Variants in PCDH15 observed in about 807,000 individuals in gnomAD.
PCDH15 encodes protocadherin-15.
PCDH15 carries 129 observed loss-of-function variants against 178.5 expected under a neutral mutation model. The ratio of observed to expected loss-of-function variants is 0.72; its 90% CI spans 0.63 to 0.84. The LOEUF is 0.84. Among genes scored for constraint, PCDH15 ranks in the 40% least tolerant of loss-of-function variants. The probability of loss-of-function intolerance (pLI) is 0.00; values close to 1 mark genes in which losing one functional copy is unlikely to be tolerated. For missense variants in PCDH15, 2,230 were observed against 2,099.9 expected (o/e 1.06, Z -1.21); for synonymous variants, 800 against 732.0 (o/e 1.09, Z -1.50).
At chr10:55,059,149 A>G (rs546372001) in intron 2 of PCDH15, among the ~76,000 whole-genome samples, 155 of 152,326 alleles carry the variant, frequency 1.0e-3, no homozygotes, top group African/African-American at 3.7e-3. Context: ...ATGGTTTTTA[A>G]GAGTTAATAT....
intron 2 of PCDH15, chr10:54,607,025 T>C (rs2092772212): frequency 6.6e-6 from 1 of 152,058 alleles, no homozygotes; most frequent in Non-Finnish European, 1.5e-5. Context: ...TAGTGAATTT[T>C]TTGAAAAGAT....
intron 20 of PCDH15, among the ~76,000 whole-genome samples, chr10:53,997,636 A>G (rs964338163): frequency 6.6e-6 from 1 of 152,210 alleles, no homozygotes; most frequent in Non-Finnish European, 1.5e-5. Context: ...TACTTTTCCA[A>G]TTATGTCAAC....
At chr10:54,457,008 C>CA (rs2076867597) in intron 3 of PCDH15, among the ~76,000 whole-genome samples, 1 of 152,066 alleles carries the variant, frequency 6.6e-6, no homozygotes, top group Non-Finnish European at 1.5e-5. Context: ...ATAAACTACC[C>CA]AGTCACAGGT....
intron 2 of PCDH15, among the ~76,000 whole-genome samples, chr10:54,650,610 T>A (rs759094088): frequency 6.6e-6 from 1 of 152,114 alleles, no homozygotes; most frequent in African/African-American, 2.4e-5. Context: ...AAGACATACC[T>A]GAGACTAGGT....
chr10:55,325,020 T>C (rs1843994583), intron 2 of PCDH15, among the ~76,000 whole-genome samples: 1 of 151,536 alleles, frequency 6.6e-6, no homozygotes, highest in African/African-American at 2.4e-5. Context: ...ATCAGAGAGG[T>C]AAGAAATCTC....
At chr10:54,157,593 G>A (rs1210270090) in intron 13 of PCDH15, among the ~76,000 whole-genome samples, 1 of 152,148 alleles carries the variant, frequency 6.6e-6, no homozygotes, top group Non-Finnish European at 1.5e-5. Context: ...GACATGCCCT[G>A]GAGATATTTT....
chr10:55,412,879 TCACACACACACACA>T (rs71014485), intron 2 of PCDH15, among the ~76,000 whole-genome samples: 18 of 134,744 alleles, frequency 1.3e-4, no homozygotes, highest in African/African-American at 4.0e-4. Context: ...TCAACAATAA[TCACACACACACACA>T]CACACACACA....
chr10:54,249,791 T>C (rs1046716752), intron 8 of PCDH15, among the ~76,000 whole-genome samples: 1 of 152,160 alleles, frequency 6.6e-6, no homozygotes, highest in Non-Finnish European at 1.5e-5. Flanking sequence ...TTTCAATCCA[T>C]CAAGAAATTG....
At chr10:54,688,887 G>A (rs2095063776) in intron 1 of PCDH15, among the ~76,000 whole-genome samples, 1 of 152,066 alleles carries the variant, frequency 6.6e-6, no homozygotes. Context: ...TTGTGTATGA[G>A]AAGATCAGGA....
intron 2 of PCDH15, among the ~76,000 whole-genome samples, chr10:55,037,467 C>T (rs529851489): frequency 6.6e-6 from 1 of 152,128 alleles, no homozygotes; most frequent in African/African-American, 2.4e-5. Flanking sequence ...CTGCTGACCT[C>T]GTGATGCGCC....
intron 3 of PCDH15, among the ~76,000 whole-genome samples, chr10:54,501,956 T>G (rs1343652858): frequency 4.6e-5 from 7 of 152,078 alleles, no homozygotes; most frequent in African/African-American, 1.7e-4. Flanking sequence ...AAATAACACA[T>G]GCTAGATTGC....
At chr10:53,832,458 C>T (rs993934802) in intron 29 of PCDH15, among the ~76,000 whole-genome samples, 16 of 151,938 alleles carry the variant, frequency 1.1e-4, no homozygotes, top group South Asian at 8.3e-4. Context: ...AAAGGTCAAA[C>T]GTCTTACTAT....
intron 3 of PCDH15, among the ~76,000 whole-genome samples, chr10:54,880,988 A>G: frequency 6.6e-6 from 1 of 151,886 alleles, no homozygotes; most frequent in East Asian, 1.9e-4. Context: ...CTCCAATAAT[A>G]TTTTACATCT....
At chr10:54,301,957 A>C (rs1191281381) in intron 8 of PCDH15, among the ~76,000 whole-genome samples, 1 of 152,198 alleles carries the variant, frequency 6.6e-6, no homozygotes, top group African/African-American at 2.4e-5. Context: ...AGTGGTGGTT[A>C]TAGTGACTAC....
intron 2 of PCDH15, among the ~76,000 whole-genome samples, chr10:55,371,106 A>G (rs1346539538): frequency 6.6e-6 from 1 of 152,132 alleles, no homozygotes; most frequent in Non-Finnish European, 1.5e-5. Context: ...GGTAAAATAT[A>G]GCCATGTAAA....
At chr10:55,150,752 T>C (rs78083297) in intron 2 of PCDH15, among the ~76,000 whole-genome samples, 1 of 152,098 alleles carries the variant, frequency 6.6e-6, no homozygotes, top group Non-Finnish European at 1.5e-5. Context: ...AAAATGTTAA[T>C]CATCATTGGA....
chr10:54,090,083 T>C lies in PCDH15; in HGVS notation c.1918-20A>G, dbSNP rs373117834. ...AGTTGCCTTCAGAGAGAAAACATAA[T>C]TCAATTATCAAGTAATTGATATGGC... On this transcript the variant is annotated intron_variant, in intron 15 of 37. Coordinates refer to ENST00000644397, the MANE Select transcript of PCDH15 (RefSeq NM_001384140.1). The C allele has an allele frequency of 2.2e-5, 35 of 1,579,764 alleles. No homozygotes were observed. Among genetic ancestry groups the C allele is most frequent in the Non-Finnish European group, 2.8e-5 (32 of 1,149,704 alleles).
intron 2 of PCDH15, among the ~76,000 whole-genome samples, chr10:54,581,599 A>G (rs1447806037): frequency 6.6e-6 from 1 of 152,134 alleles, no homozygotes; most frequent in East Asian, 1.9e-4. Context: ...ATAGAACAAA[A>G]AATAGCCTGA....
chr10:54,129,967 G>T (rs948244932), intron 15 of PCDH15, among the ~76,000 whole-genome samples: 2 of 152,256 alleles, frequency 1.3e-5, no homozygotes, highest in South Asian at 4.1e-4. Context: ...ATGGTGGTGG[G>T]GTGGGCCAAA....
Sources: gnomAD v4.1 joint callset for allele counts (sites outside exome capture counted in the v4.1 genomes callset) on GRCh38, gnomAD v4.1.1 for gene constraint, MANE v1.5 for transcripts, NCBI Gene and HGNC (gene_info 2026-07-23, HGNC 2026-07-21) for gene names.